Variants in ISLR2 observed in about 807,000 individuals in gnomAD.
ISLR2 encodes the protein immunoglobulin superfamily containing leucine-rich repeat protein 2.
ISLR2 carries 16 observed loss-of-function variants against 25.5 expected under a neutral mutation model. The ratio of observed to expected loss-of-function variants is 0.63; its 90% confidence interval spans 0.43 to 0.95. ISLR2 has a LOEUF of 0.95. Among genes scored for constraint, ISLR2 ranks in the 40% least tolerant of loss-of-function variants. The probability of loss-of-function intolerance (pLI) is 0.00; values close to 1 mark genes in which losing one functional copy is unlikely to be tolerated. For missense variants in ISLR2, 883 were observed against 1,030.7 expected (o/e 0.86, Z 1.96); for synonymous variants, 508 against 486.6 (o/e 1.04, Z -0.58).
At chr15:74,129,065 C>T (rs765547917), upstream of ISLR2, 54 of 456,532 alleles carry the variant, frequency 1.2e-4, no homozygotes, top group South Asian at 8.4e-4. This position sits in a 1 kb window ranked among gnomAD's most constrained non-coding sequence, Gnocchi z 4.5. Flanking sequence ...GACACCTTCC[C>T]TGAAAGGCGC....
chr15:74,109,026 T>C (rs2072144820), intron 2 of ISLR2, among the ~76,000 whole-genome samples: 1 of 152,234 alleles, frequency 6.6e-6, no homozygotes, highest in African/African-American at 2.4e-5. Flanking sequence ...TAACATTTAA[T>C]ACCTTTTGAT....
At position 74,132,210 on chromosome 15, in the gene ISLR2, T is replaced by C. The variant is rs2072436626; in HGVS notation, c.-8-537T>C. On this transcript the variant is annotated intron_variant, in intron 2 of 2. Transcript: ENST00000453268. This position sits in a 1 kb window ranked among gnomAD's most constrained non-coding sequence, Gnocchi z 4.3. ...GGAAATGTGTTGTGAGCCTCCTAAT[T>C]GAGCATCAGGTCCTCTAAACCCCTG... Among the ~76,000 whole-genome samples the C allele has an allele frequency of 6.6e-6, 1 of 152,192 alleles. No individual in the cohort carries two copies. The highest frequency in any genetic ancestry group is 6.5e-5 in the Admixed American group (1 of 15,278).
chr15:74,133,877 A>G lies in ISLR2; in HGVS notation c.1123A>G (p.Thr375Ala), dbSNP rs760003978. The G allele has an allele frequency of 5.0e-6, 8 of 1,610,682 alleles. No individual in the cohort carries two copies. The South Asian group carries it at 8.8e-5, about 18-fold the overall frequency. Residue 375 changes from threonine (T) to alanine (A), a missense_variant, in exon 3 of 3, where the codon ACC becomes GCC. This residue lies in a region of ISLR2 where 612 missense variants were observed against 642.8 expected (regional missense o/e 0.95). Transcript: ENST00000453268. The part of the protein sequence containing the change: ...STSIRVAVAA[T>A]GPPKHAPGAG... Reference sequence around the variant, plus strand: ...GTCAATACGCGTGGCGGTGGCAGCAACCGGGCCCCCAAAACACGCGCCTGG... The same window carrying G: ...GTCAATACGCGTGGCGGTGGCAGCAGCCGGGCCCCCAAAACACGCGCCTGG...
chr15:74,132,270 CTGTT>C lies in ISLR2; in HGVS notation c.-8-473_-8-470del, dbSNP rs1317425024. Among the ~76,000 whole-genome samples, 3 of 152,200 alleles carry C rather than the reference CTGTT, an allele frequency of 2.0e-5. No individual in the cohort carries two copies. The highest frequency in any genetic ancestry group is 1.9e-4 in the East Asian group (1 of 5,192). On this transcript the variant is annotated intron_variant, in intron 2 of 2. Coordinates refer to ENST00000453268, the MANE Select transcript of ISLR2 (RefSeq NM_020851.3). The surrounding 1 kb of genome is among the most constrained non-coding windows in gnomAD (Gnocchi z 4.3). ...GCGGTTTGATTATGAAGCCCCGCGTCTGTTTGTATTGTTGTGTGCCTGCATGGGC... is the reference window on the plus strand; with the variant it reads ...GCGGTTTGATTATGAAGCCCCGCGTCTGTATTGTTGTGTGCCTGCATGGGC...
chr15:74,137,561 G>A (rs1304658264), downstream of ISLR2, among the ~76,000 whole-genome samples: 5 of 152,192 alleles, frequency 3.3e-5, no homozygotes, highest in Admixed American at 2.6e-4. Flanking sequence ...TGAGGAACAG[G>A]AGAGACAGGG....
At chr15:74,125,786 T>G (rs1049488201), upstream of ISLR2, 1 of 152,232 alleles carries the variant, frequency 6.6e-6, no homozygotes, top group African/African-American at 2.4e-5. Flanking sequence ...AGAAAATTCC[T>G]CTCAGTTGCC....
At chr15:74,116,051 G>A (rs1294910864) in intron 2 of ISLR2, among the ~76,000 whole-genome samples, 1 of 151,122 alleles carries the variant, frequency 6.6e-6, no homozygotes, top group Admixed American at 6.6e-5. Flanking sequence ...TCAAAAATTA[G>A]CCAGGCATGG....
Position 74,133,904 on chromosome 15 carries a change from G to T in ISLR2, c.1150G>T (p.Ala384Ser), listed in dbSNP as rs201686977. Reference sequence around the variant, plus strand: ...CGGGCCCCCAAAACACGCGCCTGGCGCCGGGGGAGAACCCGACGGACAGGC... The same window carrying T: ...CGGGCCCCCAAAACACGCGCCTGGCTCCGGGGGAGAACCCGACGGACAGGC... ...ATGPPKHAPG[A>S]GGEPDGQAPT... is the part of the protein sequence containing the mutation. The change falls in exon 3 of 3, where the codon GCC becomes TCC. Residue 384 changes from alanine to serine, a missense_variant. Coordinates refer to ENST00000453268, the MANE Select transcript of ISLR2 (RefSeq NM_020851.3). 2.8e-4 allele frequency: 454 copies of T among 1,605,262 alleles called. 2 individuals carry two copies. Among genetic ancestry groups the T allele is most frequent in the Non-Finnish European group, 5.4e-5 (63 of 1,176,198 alleles).
At chr15:74,109,716 A>G (rs1327200268) in intron 2 of ISLR2, among the ~76,000 whole-genome samples, 1 of 152,186 alleles carries the variant, frequency 6.6e-6, no homozygotes, top group African/African-American at 2.4e-5. Context: ...TGCATTTCTA[A>G]CAAGTTCTCA....
rs558151508 is a variant in ISLR2, at chr15:74,109,524, G to A, written n.228+5610G>A. 5.9e-5 allele frequency among the ~76,000 whole-genome samples: 9 copies of A among 152,350 alleles called. No individual in the cohort carries two copies. The East Asian group carries it at 1.3e-3, about 23-fold the overall frequency. ...TGGGGCTCCTGCCCAAAAGTGTGCTGTGCCAACCTGGGGCCCACAGGAGGA... is the reference window on the plus strand; with the variant it reads ...TGGGGCTCCTGCCCAAAAGTGTGCTATGCCAACCTGGGGCCCACAGGAGGA... On this transcript the variant is annotated intron_variant and non_coding_transcript_variant, in intron 2 of 3. Transcript: ENST00000561975.
chr15:74,140,132 T>A (rs1017949023), downstream of ISLR2, among the ~76,000 whole-genome samples: 32 of 152,022 alleles, frequency 2.1e-4, no homozygotes, highest in Admixed American at 1.9e-3. Context: ...ATGAGAACCA[T>A]CTTGAAGATC....
chr15:74,112,989 C>A (rs753999867), intron 2 of ISLR2, among the ~76,000 whole-genome samples: 1 of 152,150 alleles, frequency 6.6e-6, no homozygotes, highest in African/African-American at 2.4e-5. Flanking sequence ...CACCAGCAGT[C>A]CTGACTGGTT....
chr15:74,109,309 T>C (rs2072147436), intron 2 of ISLR2, among the ~76,000 whole-genome samples: 1 of 152,074 alleles, frequency 6.6e-6, no homozygotes, highest in African/African-American at 2.4e-5. Flanking sequence ...AGACTGACCA[T>C]GTTGCTGGGT....
At chr15:74,126,291 A>G (rs2072294563), upstream of ISLR2, 2 of 151,920 alleles carry the variant, frequency 1.3e-5, no homozygotes, top group Admixed American at 1.3e-4. Context: ...GTCAGGTACT[A>G]AGTGCTTTGC....
chr15:74,109,900 A>G (rs1395908900), intron 2 of ISLR2, among the ~76,000 whole-genome samples: 2 of 152,060 alleles, frequency 1.3e-5, no homozygotes, highest in East Asian at 1.9e-4. Flanking sequence ...GGCTTAAGCA[A>G]TCCTCCTGCC....
intron 2 of ISLR2, among the ~76,000 whole-genome samples, chr15:74,111,345 A>G (rs1357493752): frequency 6.6e-6 from 1 of 151,736 alleles, no homozygotes; most frequent in African/African-American, 2.4e-5. Flanking sequence ...ACTGGAGTGC[A>G]GTGGCATGAT....
upstream of ISLR2, among the ~76,000 whole-genome samples, chr15:74,123,548 T>A (rs1055255530): frequency 6.6e-6 from 1 of 152,100 alleles, no homozygotes; most frequent in South Asian, 2.1e-4. Context: ...GGAGTGAGCT[T>A]TCAGGTTGTG....
At position 74,135,221 on chromosome 15, in the gene ISLR2, G is replaced by T. The variant is rs894291862; in HGVS notation, c.*229G>T. On this transcript the variant is annotated 3_prime_UTR_variant, in exon 3 of 3. Transcript: ENST00000453268. ...CCCTGCGGGCTGAATCCCCTTCCCCGCCAAGCACAGTGTTTATCTTACCCC... is the reference window on the plus strand; with the variant it reads ...CCCTGCGGGCTGAATCCCCTTCCCCTCCAAGCACAGTGTTTATCTTACCCC... The T allele has an allele frequency of 3.0e-5, 18 of 592,342 alleles. No homozygotes were observed. The highest frequency in any genetic ancestry group is 4.6e-4 in the Middle Eastern group (1 of 2,184). 36.7% of individuals were successfully genotyped at this position (592,342 alleles called of 1,614,324 possible).
In ISLR2 at chr15:74,134,300, G is replaced by A. The variant is rs1045220183; in HGVS notation, c.1546G>A (p.Ala516Thr). ...GCGCTGGGGCCCTGGGCCCGGCGGG[G>A]CTGGCGGAGCCCCGCGACCCGGGCG... is the stretch of plus-strand genomic sequence containing the variant. ...AARWGPGPGG[A>T]GGAPRPGRRP... The change falls in exon 3 of 3, where the codon GCT becomes ACT. Residue 516 changes from alanine to threonine, a missense_variant. By Grantham distance (58) the Ala-to-Thr change is moderately conservative. Transcript: ENST00000453268. 9 of 1,532,866 alleles carry A rather than the reference G, an allele frequency of 5.9e-6. No individual in the cohort carries two copies. Among genetic ancestry groups the A allele is most frequent in the Admixed American group, 2.1e-5 (1 of 47,080 alleles). The allele number at this position is 1,532,866 out of a possible 1,614,324, so 95.0% of individuals were successfully genotyped here. A position where few individuals can be genotyped will look rare whatever the true frequency, so the allele number is the denominator to read the frequency against.
Sources: allele counts gnomAD v4.1 joint callset (sites outside exome capture counted in the v4.1 genomes callset), GRCh38; gene constraint gnomAD v4.1.1; regional missense constraint gnomAD v4.1.1; non-coding constraint Gnocchi (gnomAD v3.1); transcripts MANE v1.5; gene names NCBI Gene and HGNC (gene_info 2026-07-23, HGNC 2026-07-21).